The following PICALM variants were observed in gnomAD, a reference collection of about 807,000 sequenced individuals.
PICALM encodes the protein phosphatidylinositol binding clathrin assembly protein.
PICALM carries 40 observed loss-of-function variants against 80.5 expected under a neutral mutation model. The observed-to-expected ratio is 0.50, with a 90% CI of 0.39 to 0.65. The LOEUF (loss-of-function observed/expected upper bound fraction) is 0.65, where lower values mean the gene tolerates loss of function less well. Ranked by LOEUF, PICALM falls within the 30% of genes least tolerant of loss-of-function variation. The probability of loss-of-function intolerance (pLI) is 0.00; values close to 1 mark genes in which losing one functional copy is unlikely to be tolerated. For missense variants in PICALM, 676 were observed against 778.9 expected, an observed-to-expected ratio of 0.87 and a Z score of 1.57; for synonymous variants, 288 against 260.3, an observed-to-expected ratio of 1.11 and a Z score of -1.02.
chr11:86,016,248 A>G (rs1010353388), intron 4 of PICALM, among the ~76,000 whole-genome samples: 1 of 152,154 alleles, frequency 6.6e-6, no homozygotes, highest in African/African-American at 2.4e-5. Flanking sequence ...TTGATGTCAA[A>G]ATCCCTGATT....
At position 86,021,581 on chromosome 11, in the gene PICALM, T is replaced by C. The variant is rs774663176; in HGVS notation, c.452+786A>G. Among the ~76,000 whole-genome samples the C allele has an allele frequency of 1.1e-4, 16 of 151,578 alleles. 1 individual carries two copies. Among genetic ancestry groups the C allele is most frequent in the Non-Finnish European group, 1.6e-4 (11 of 67,954 alleles). On this transcript the variant is annotated intron_variant, in intron 4 of 19. Transcript: ENST00000393346. ...AGAAACTGAAAGTGCCATACATTGC[T>C]GGTGGGAACGTAAAGTGATTCAACT...
At chr11:86,052,465 C>T (rs1372004789) in intron 1 of PICALM, among the ~76,000 whole-genome samples, 1 of 152,194 alleles carries the variant, frequency 6.6e-6, no homozygotes, top group East Asian at 1.9e-4. Context: ...TTTCTTCCTT[C>T]AGATCAAAGT....
intron 10 of PICALM, 124 bp from the exon 11 acceptor site, chr11:86,000,903 G>A (rs1208605736): frequency 7.8e-5 from 116 of 1,478,088 alleles, no homozygotes; most frequent in Non-Finnish European, 9.7e-5. Context: ...TCTATGTCAG[G>A]ACGAAAAGTT....
chr11:86,038,988 GTAA>G (rs2095897064), intron 1 of PICALM, among the ~76,000 whole-genome samples: 1 of 151,854 alleles, frequency 6.6e-6, no homozygotes, highest in South Asian at 2.1e-4. Context: ...CAACACGACT[GTAA>G]TCCCAACTAC....
chr11:85,993,449 A>G (rs1246024210), intron 12 of PICALM, among the ~76,000 whole-genome samples: 3 of 150,494 alleles, frequency 2.0e-5, no homozygotes, highest in African/African-American at 4.9e-5. Context: ...TAATTTTTTC[A>G]TTTTTTTGAG....
chr11:86,020,903 G>T (rs940361570), intron 4 of PICALM, among the ~76,000 whole-genome samples: 2 of 152,124 alleles, frequency 1.3e-5, no homozygotes, highest in African/African-American at 4.8e-5. Flanking sequence ...AAAAATGTTT[G>T]TTCTTCAAAA....
At chr11:86,059,495 G>C (rs1351510448) in intron 1 of PICALM, among the ~76,000 whole-genome samples, 2 of 152,202 alleles carry the variant, frequency 1.3e-5, no homozygotes, top group African/African-American at 4.8e-5. Flanking sequence ...ATTAATGGGA[G>C]CAAGGTAAAG....
At chr11:85,999,740 T>C (rs928125505) in intron 11 of PICALM, among the ~76,000 whole-genome samples, 1 of 151,836 alleles carries the variant, frequency 6.6e-6, no homozygotes, top group Non-Finnish European at 1.5e-5. Context: ...TAAGGGTGAG[T>C]TAATAAACAG....
chr11:86,055,614 T>TA (rs2096256793), intron 1 of PICALM, among the ~76,000 whole-genome samples: 1 of 151,718 alleles, frequency 6.6e-6, no homozygotes, highest in African/African-American at 2.4e-5. Flanking sequence ...TACACAGAGG[T>TA]AGTAGAGTTG....
At chr11:86,010,017 G>C (rs1565397303) in intron 7 of PICALM, among the ~76,000 whole-genome samples, 1 of 152,164 alleles carries the variant, frequency 6.6e-6, no homozygotes, top group Non-Finnish European at 1.5e-5. Context: ...CAGTAACAAA[G>C]CCTAGAATCA....
chr11:86,066,667 G>A (rs1403529915), intron 1 of PICALM, among the ~76,000 whole-genome samples: 1 of 150,894 alleles, frequency 6.6e-6, no homozygotes, highest in African/African-American at 2.4e-5. Context: ...ACTTTTAAAA[G>A]CCTTATCGAT....
chr11:85,997,740 G>A (rs2095019601), intron 11 of PICALM, among the ~76,000 whole-genome samples: 1 of 152,162 alleles, frequency 6.6e-6, no homozygotes, highest in South Asian at 2.1e-4. Flanking sequence ...CAGAGTGCTG[G>A]GATTACAGGC....
At chr11:86,006,256 T>G (rs189309279) in intron 8 of PICALM, among the ~76,000 whole-genome samples, 1 of 152,348 alleles carries the variant, frequency 6.6e-6, no homozygotes, top group East Asian at 1.9e-4. Flanking sequence ...AACCCATGAC[T>G]AGATTTATTG....
chr11:86,032,702 A>AAT (rs1238180290), intron 1 of PICALM, among the ~76,000 whole-genome samples: 1 of 152,188 alleles, frequency 6.6e-6, no homozygotes, highest in East Asian at 1.9e-4. Context: ...TTACTTTTAA[A>AAT]ATATATATAA....
rs745892796 is a variant in PICALM, at chr11:85,959,069, A to T, written c.1945-9T>A. 1 of 1,572,524 alleles carries T rather than the reference A, an allele frequency of 6.4e-7. No homozygotes were observed. Among genetic ancestry groups the T allele is most frequent in the East Asian group, 2.2e-5 (1 of 44,608 alleles). On this transcript the variant is annotated splice_polypyrimidine_tract_variant and intron_variant, in intron 19 of 19. Transcript: ENST00000393346. ...AGTTACATAAACTGTATCTGGAAAAAAAAAGTGGGTATGTTAATTCATTGT... is the reference window on the plus strand; with the variant it reads ...AGTTACATAAACTGTATCTGGAAAATAAAAGTGGGTATGTTAATTCATTGT...
chr11:85,982,254 G>A (rs1383845988), intron 14 of PICALM: 7 of 376,640 alleles, frequency 1.9e-5, no homozygotes, highest in Non-Finnish European at 3.0e-5. Context: ...GGGTTAAAGG[G>A]GATAAGAGAG....
chr11:86,014,431 C>A (rs190453630), intron 5 of PICALM, among the ~76,000 whole-genome samples: 200 of 152,302 alleles, frequency 1.3e-3, no homozygotes, highest in South Asian at 1.9e-3. Flanking sequence ...GAACACAATG[C>A]CCTTGGGCAA....
chr11:85,966,497 T>TA (rs2093903817), intron 19 of PICALM, among the ~76,000 whole-genome samples: 1 of 151,972 alleles, frequency 6.6e-6, no homozygotes, highest in South Asian at 2.1e-4. Flanking sequence ...AGCAAAATGA[T>TA]AAAGTACACA....
rs1370361664 is a variant in PICALM at position 85,991,254 on chromosome 11, TATA to T, written c.1259-858_1259-856del. On this transcript the variant is annotated intron_variant, in intron 12 of 19. Transcript: ENST00000393346. ...AAAAAATAAAAAGCAGCAAAAATAGTATAATTTTTTCTTTGTAACATAATTAAA... is the reference window on the plus strand; with the variant it reads ...AAAAAATAAAAAGCAGCAAAAATAGTATTTTTTCTTTGTAACATAATTAAA... 3.3e-5 allele frequency among the ~76,000 whole-genome samples: 5 copies of T among 152,284 alleles called. No individual in the cohort carries two copies. The East Asian group carries it at 9.6e-4, about 29-fold the overall frequency.
Sources: allele counts gnomAD v4.1 joint callset (sites outside exome capture counted in the v4.1 genomes callset), GRCh38; gene constraint gnomAD v4.1.1; transcripts MANE v1.5; gene names NCBI Gene and HGNC (gene_info 2026-07-23, HGNC 2026-07-21).